Variants in NUP107 observed in about 807,000 individuals in gnomAD.
NUP107 encodes nuclear pore complex protein Nup107.
NUP107 carries 101 observed loss-of-function variants against 141.0 expected under a neutral mutation model. The ratio of observed to expected loss-of-function variants is 0.72; its 90% CI spans 0.61 to 0.84. NUP107 has a LOEUF of 0.84. NUP107 is among the 40% of genes least tolerant of loss of function. The pLI, the probability that NUP107 is intolerant of heterozygous loss-of-function variation, is 0.00. For missense variants in NUP107, 941 were observed against 1,102.7 expected (o/e 0.85, Z 2.08); for synonymous variants, 319 against 363.9 (o/e 0.88, Z 1.41).
At chr12:68,723,907 TGA>T (rs1320190219) in intron 17 of NUP107, among the ~76,000 whole-genome samples, 1 of 152,174 alleles carries the variant, frequency 6.6e-6, no homozygotes, top group Admixed American at 6.5e-5. Context: ...TAGGAGCACT[TGA>T]TATAGTAAGG....
rs1403222200 is a variant in NUP107 at position 68,731,136 on chromosome 12, T to A, written c.1761T>A (p.Asn587Lys). The A allele has an allele frequency of 6.3e-7, 1 of 1,598,382 alleles. No homozygotes were observed. Among genetic ancestry groups the A allele is most frequent in the Admixed American group, 1.8e-5 (1 of 56,360 alleles). Residue 587 changes from asparagine to lysine, a missense_variant, in exon 21 of 28, where the codon AAT (asparagine) becomes AAA (lysine). Coordinates refer to ENST00000229179, the MANE Select transcript of NUP107 (RefSeq NM_020401.4). ...TTTTAATAAGAGAGAAACATACAAA[T>A]CTTATAGCATTTTATACCTGTCATT... Reference protein sequence around the residue: ...IQLLIREKHTNLIAFYTCHLP... With the variant: ...IQLLIREKHTKLIAFYTCHLP...
rs74103029 is a variant in NUP107, at chr12:68,734,983, G to A, written c.2388+150G>A. 9,150 of 985,380 alleles carry A rather than the reference G, an allele frequency of 9.3e-3. 532 individuals carry two copies. The African/African-American group carries it at 0.13, about 14-fold the overall frequency. The allele number at this position is 985,380 out of a possible 1,614,324, so 61.0% of individuals were successfully genotyped here. On this transcript the variant is annotated intron_variant, in intron 25 of 27. Coordinates refer to ENST00000229179, the MANE Select transcript of NUP107 (RefSeq NM_020401.4). The stretch of plus-strand genomic sequence containing the variant: ...TGCTTTGGAAGATGCAATCTGTTTA[G>A]TTACTTTTCTGTAGGTAATTAACCA...
chr12:68,705,093 G>T (rs1212923971), intron 8 of NUP107, among the ~76,000 whole-genome samples: 1 of 151,994 alleles, frequency 6.6e-6, no homozygotes, highest in Non-Finnish European at 1.5e-5. Context: ...TTACTATGTT[G>T]CCCAGGCTGG....
intron 21 of NUP107, 34 bp from the exon 22 acceptor site, chr12:68,731,573 T>C: frequency 7.9e-7 from 1 of 1,261,946 alleles, no homozygotes; most frequent in South Asian, 1.4e-5. Flanking sequence ...CAATGATTAA[T>C]CTTTGTTTTT....
At chr12:68,727,012 T>C (rs1340786092) in intron 19 of NUP107, among the ~76,000 whole-genome samples, 1 of 152,224 alleles carries the variant, frequency 6.6e-6, no homozygotes, top group African/African-American at 2.4e-5. Flanking sequence ...AAGTGAATGA[T>C]ACAGTAGTTG....
chr12:68,719,643 A>G lies in NUP107; in HGVS notation c.1240A>G (p.Met414Val), dbSNP rs1391178600. The change falls in exon 14 of 28, where the codon ATG (methionine) becomes GTG (valine). Residue 414 changes from methionine to valine, a missense_variant. Coordinates refer to ENST00000229179, the MANE Select transcript of NUP107 (RefSeq NM_020401.4). The stretch of plus-strand genomic sequence containing the variant: ...CATTTGGAAAATAAGTTGCTGGAGA[A>G]TGGCAGAAGATGTAAGATAAATAAA... ...RRIWKISCWR[M>V]AEDELFNRYE... The G allele has an allele frequency of 6.2e-7, 1 of 1,604,532 alleles. No homozygotes were observed. Among genetic ancestry groups the G allele is most frequent in the Non-Finnish European group, 8.5e-7 (1 of 1,171,340 alleles).
intron 1 of NUP107, among the ~76,000 whole-genome samples, chr12:68,688,590 A>G (rs1875617852): frequency 6.6e-6 from 1 of 152,210 alleles, no homozygotes; most frequent in African/African-American, 2.4e-5. Flanking sequence ...AAAATCTTTT[A>G]AGAGAGAATT....
intron 5 of NUP107, among the ~76,000 whole-genome samples, chr12:68,695,452 T>G (rs1876005946): frequency 6.6e-6 from 1 of 152,148 alleles, no homozygotes; most frequent in Non-Finnish European, 1.5e-5. Context: ...TGAAGGACAT[T>G]CTGACACATG....
At chr12:68,705,975 G>A in intron 8 of NUP107, 1 of 901,594 alleles carries the variant, frequency 1.1e-6, no homozygotes, top group Non-Finnish European at 1.9e-6. Context: ...TCCTGCAGCA[G>A]CAGAACAAGA....
rs768052001 is a variant in NUP107 at position 68,690,633 on chromosome 12, AC to A, written c.194del (p.Pro65GlnfsTer7). The A allele has an allele frequency of 2.5e-6, 4 of 1,614,074 alleles. No homozygotes were observed. In the South Asian group the frequency reaches 3.3e-5, roughly 13 times the overall value. On this transcript the variant is annotated frameshift_variant, in exon 4 of 28. Coordinates refer to ENST00000229179, the MANE Select transcript of NUP107 (RefSeq NM_020401.4). LOFTEE classifies it high-confidence loss of function. ...RTPSSFRQPF[T>X]PTSRSLLRQP... Reference sequence around the variant, plus strand: ...TTCTACCAACCTTTTGTTTATAGTTACCCCAACAAGCCGAAGCTTACTAAGG... The same window carrying A: ...TTCTACCAACCTTTTGTTTATAGTTACCCAACAAGCCGAAGCTTACTAAGG...
intron 8 of NUP107, among the ~76,000 whole-genome samples, chr12:68,703,311 A>G (rs923917028): frequency 3.3e-5 from 5 of 152,206 alleles, no homozygotes; most frequent in Non-Finnish European, 7.3e-5. Context: ...CAGTTTTGGT[A>G]TGTATCCTAC....
Position 68,726,531 on chromosome 12 carries a change from A to G in NUP107, c.1609A>G (p.Lys537Glu). ...GGATGAGTTTAGCAAATGGCTTTCC[A>G]AAAGCAGAAACAATCTACCTGGACA... is the stretch of plus-strand genomic sequence containing the variant. The part of the protein sequence containing the change: ...LMDEFSKWLS[K>E]SRNNLPGHLL... The change falls in exon 19 of 28, where the codon AAA (lysine) becomes GAA (glutamate). Residue 537 changes from lysine to glutamate, a missense_variant. Physicochemically the swap from Lys to Glu is moderately conservative, Grantham distance 56 (BLOSUM62 1). Transcript: ENST00000229179. 6.2e-7 allele frequency: 1 copy of G among 1,613,948 alleles called. No homozygotes were observed.
chr12:68,731,893 A>G (rs1252579298), intron 22 of NUP107, among the ~76,000 whole-genome samples, 174 bp downstream of exon 22: 2 of 152,184 alleles, frequency 1.3e-5, no homozygotes, highest in Non-Finnish European at 2.9e-5. Context: ...GATTACTTAT[A>G]GTAGTATGTT....
intron 8 of NUP107, among the ~76,000 whole-genome samples, chr12:68,708,743 C>T (rs1198212872): frequency 2.0e-5 from 3 of 151,922 alleles, no homozygotes; most frequent in Non-Finnish European, 4.4e-5. Context: ...CCTTAGCCTC[C>T]GAGTAGCTGG....
At chr12:68,726,645 C>CATAGGTATATAGCA (rs1201560692) in intron 19 of NUP107, 28 bp downstream of exon 19, 1 of 1,362,136 alleles carries the variant, frequency 7.3e-7, no homozygotes, top group South Asian at 1.2e-5. Flanking sequence ...ATTTCTTCTT[C>CATAGGTATATAGCA]TCTGTAATGT....
chr12:68,715,507 G>T (rs1474527441), intron 11 of NUP107, 120 bp from the exon 12 acceptor site: 5 of 663,854 alleles, frequency 7.5e-6, no homozygotes, highest in African/African-American at 3.6e-5. Context: ...AAAGAAAAAA[G>T]AAAAAATGAA....
At chr12:68,688,354 T>C (rs1405103687) in intron 1 of NUP107, among the ~76,000 whole-genome samples, 2 of 152,244 alleles carry the variant, frequency 1.3e-5, no homozygotes, top group East Asian at 3.8e-4. Context: ...ATTTAGTTTC[T>C]AGACCTTTGA....
chr12:68,740,393 C>A (rs565801057), intron 26 of NUP107, among the ~76,000 whole-genome samples: 1 of 152,246 alleles, frequency 6.6e-6, no homozygotes, highest in Admixed American at 6.5e-5. Flanking sequence ...AAAGGTGCTT[C>A]CCTTGTAAAG....
intron 1 of NUP107, among the ~76,000 whole-genome samples, chr12:68,687,949 G>A (rs982502160): frequency 6.6e-6 from 1 of 152,122 alleles, no homozygotes; most frequent in Non-Finnish European, 1.5e-5. Context: ...GGCTCTTTGA[G>A]GAGTAAGTAG....
Sources: allele counts gnomAD v4.1 joint callset (sites outside exome capture counted in the v4.1 genomes callset), GRCh38; gene constraint gnomAD v4.1.1; transcripts MANE v1.5; gene names NCBI Gene and HGNC (gene_info 2026-07-23, HGNC 2026-07-21).